The following TSBP1 variants were observed in gnomAD, a reference collection of about 807,000 sequenced individuals.
TSBP1 encodes testis-expressed basic protein 1.
In TSBP1, 56 loss-of-function variants were observed where a neutral mutation model predicts 68.8. The observed-to-expected ratio is 0.81, with a 90% confidence interval of 0.66 to 1.02. The LOEUF (loss-of-function observed/expected upper bound fraction) is 1.02. Among genes scored for constraint, TSBP1 ranks in the 50% least tolerant of loss-of-function variants. The probability of loss-of-function intolerance (pLI) is 0.00; values close to 1 mark genes in which losing one functional copy is unlikely to be tolerated. For synonymous variants in TSBP1, 171 were observed against 208.7 expected, an observed-to-expected ratio of 0.82 and a Z score of 1.56; for missense variants, 502 against 641.2, an observed-to-expected ratio of 0.78 and a Z score of 2.34.
Position 32,333,916 on chromosome 6 carries a change from TG to T in TSBP1, c.472+1520del. The stretch of plus-strand genomic sequence containing the variant: ...CACCTGGAAGATGGCTTTCCAGATC[TG>T]GATACCCTTGGCTATGAGCAGTAAA... On this transcript the variant is annotated intron_variant, in intron 14 of 22. Transcript: ENST00000612031. This position sits in a 1 kb window ranked among gnomAD's most constrained non-coding sequence, Gnocchi z 4.2. The T allele has an allele frequency of 5.3e-6, 1 of 189,736 alleles. No individual in the cohort carries two copies. The allele number at this position is 189,736 out of a possible 1,614,324, so 11.8% of individuals were successfully genotyped here. A position where few individuals can be genotyped will look rare whatever the true frequency, so the allele number is the denominator to read the frequency against.
chr6:32,323,599 G>T (rs1412140327), exon 17 of TSBP1: 2 of 1,612,330 alleles, frequency 1.2e-6, no homozygotes, highest in South Asian at 2.2e-5. Context: ...ACCGCGGGGT[G>T]CTGAAGGTGG....
intron 19 of TSBP1, among the ~76,000 whole-genome samples, chr6:32,310,761 A>ATATATATATATTTTTTTTTTTTTTTT: frequency 1.2e-4 from 18 of 144,810 alleles, no homozygotes; most frequent in Non-Finnish European, 2.0e-4. Context: ...ATATATATAT[A>ATATATATATATTTTTTTTTTTTTTTT]TTTTTAATCT....
rs1455912117 is a variant in TSBP1 at position 32,312,094 on chromosome 6, C to CTAGA, written c.580+3674_580+3677dup. On this transcript the variant is annotated intron_variant, in intron 19 of 22. Transcript: ENST00000612031. ...TTGAGGGGCTCTGGAATTGGCAAGA[C>CTAGA]TAGAGTCAGTACTCCCACATCAGGG... 5.9e-5 allele frequency among the ~76,000 whole-genome samples: 9 copies of CTAGA among 152,238 alleles called. No individual in the cohort carries two copies. The East Asian group carries it at 1.7e-3, about 29-fold the overall frequency.
In TSBP1 at chr6:32,338,721, C is replaced by T. The variant is rs1769962088; in HGVS notation, c.409+258G>A. 6.6e-6 allele frequency among the ~76,000 whole-genome samples: 1 copy of T among 152,150 alleles called. No individual in the cohort carries two copies. Among genetic ancestry groups the T allele is most frequent in the South Asian group, 2.1e-4 (1 of 4,834 alleles). On this transcript the variant is annotated intron_variant, in intron 11 of 22. Transcript: ENST00000612031. This position sits in a 1 kb window ranked among gnomAD's most constrained non-coding sequence, Gnocchi z 5.5. ...TTTTCTCACAGGGGAATCTTTCTTC[C>T]TTTCACTTGACCATTTTTTGTTCTT...
chr6:32,322,338 TC>T (rs1428894746), intron 18 of TSBP1, 147 bp downstream of exon 20: 2 of 628,702 alleles, frequency 3.2e-6, no homozygotes, highest in African/African-American at 3.6e-5. Context: ...CAGTTACGAA[TC>T]AAAAAGGTTG....
At chr6:32,300,007 A>G in intron 21 of TSBP1, 71 bp from the exon 25 acceptor site, 3 of 1,215,284 alleles carry the variant, frequency 2.5e-6, no homozygotes, top group Non-Finnish European at 3.7e-6. Flanking sequence ...TTCCAATAGT[A>G]TCCTTCCTAG....
intron 21 of TSBP1, among the ~76,000 whole-genome samples, chr6:32,300,269 G>T (rs150175146): frequency 6.6e-6 from 1 of 152,106 alleles, no homozygotes; most frequent in Non-Finnish European, 1.5e-5. Context: ...TTTGCTCACT[G>T]TTCTGGTCCG....
chr6:32,368,980 G>T (rs1247231993), intron 2 of TSBP1, among the ~76,000 whole-genome samples, 166 bp from the exon 3 acceptor site: 2 of 152,048 alleles, frequency 1.3e-5, no homozygotes, highest in African/African-American at 4.8e-5. Context: ...CATCAGCCCT[G>T]TTTTACCTAT....
chr6:32,346,704 G>A (rs1048648456), intron 9 of TSBP1, among the ~76,000 whole-genome samples: 1 of 152,056 alleles, frequency 6.6e-6, no homozygotes, highest in African/African-American at 2.4e-5. Flanking sequence ...TGGGTATTGT[G>A]GTGCACGCCT....
intron 9 of TSBP1, among the ~76,000 whole-genome samples, chr6:32,344,851 G>A (rs953019240): frequency 1.4e-5 from 2 of 140,550 alleles, no homozygotes; most frequent in African/African-American, 5.1e-5. Context: ...AAGACCTTAG[G>A]TTTTTTTTTT....
chr6:32,301,450 T>A (rs1765276044), intron 20 of TSBP1, among the ~76,000 whole-genome samples: 1 of 152,026 alleles, frequency 6.6e-6, no homozygotes, highest in Admixed American at 6.6e-5. Flanking sequence ...CCGTGGCTCA[T>A]GCCTGTAATC....
exon 22 of TSBP1, chr6:32,299,928 G>C: frequency 4.3e-6 from 7 of 1,609,330 alleles, no homozygotes; most frequent in Non-Finnish European, 6.0e-6. Context: ...TTACCCACAG[G>C]AGTCAGTGCT....
chr6:32,365,882 G>A lies in TSBP1; in HGVS notation c.217+285C>T. The A allele has an allele frequency of 1.9e-6, 1 of 531,346 alleles. No individual in the cohort carries two copies. Among genetic ancestry groups the A allele is most frequent in the Non-Finnish European group, 3.6e-6 (1 of 276,496 alleles). 32.9% of individuals were successfully genotyped at this position (531,346 alleles called of 1,614,324 possible). A position where few individuals can be genotyped will look rare whatever the true frequency, so the allele number is the denominator to read the frequency against. ...GATAGTTGTCTAAATTGATGCTTCT[G>A]TGTGGGAAGAAAGCTCCTATTCTAC... On this transcript the variant is annotated intron_variant, in intron 6 of 22. Transcript: ENST00000612031. This position sits in a 1 kb window ranked among gnomAD's most constrained non-coding sequence, Gnocchi z 4.3.
intron 19 of TSBP1, among the ~76,000 whole-genome samples, chr6:32,303,703 A>G (rs1354216584): frequency 1.3e-5 from 2 of 152,204 alleles, no homozygotes; most frequent in African/African-American, 4.8e-5. Flanking sequence ...GCAAGTCCCA[A>G]TTCTTTCAAG....
intron 16 of TSBP1, among the ~76,000 whole-genome samples, chr6:32,328,430 T>TC (rs1365509142): frequency 1.3e-5 from 2 of 151,552 alleles, no homozygotes; most frequent in Non-Finnish European, 2.9e-5. Flanking sequence ...GTATTTTTTT[T>TC]TTTTAGACAG....
chr6:32,362,181 C>T (rs1313949504), intron 6 of TSBP1, among the ~76,000 whole-genome samples: 3 of 150,094 alleles, frequency 2.0e-5, no homozygotes, highest in African/African-American at 4.9e-5. Context: ...CCCAGCAACT[C>T]GGGAGGCTGA....
intron 16 of TSBP1, among the ~76,000 whole-genome samples, chr6:32,326,570 T>C (rs1251143174): frequency 6.6e-6 from 1 of 152,222 alleles, no homozygotes; most frequent in Non-Finnish European, 1.5e-5. Flanking sequence ...TATCACAATG[T>C]GGATGCATAC....
exon 1 of TSBP1, chr6:32,371,728 A>G: frequency 6.2e-7 from 1 of 1,613,810 alleles, no homozygotes; most frequent in Non-Finnish European, 8.5e-7. Context: ...TGTCTTCATC[A>G]GGTCTCGCAT....
intron 6 of TSBP1, among the ~76,000 whole-genome samples, chr6:32,356,447 C>T (rs1210613563): frequency 6.6e-6 from 1 of 151,994 alleles, no homozygotes; most frequent in Non-Finnish European, 1.5e-5. Flanking sequence ...ATTTTAAAAA[C>T]GGTGTCTCAA....
Sources: gnomAD v4.1 joint callset for allele counts (sites outside exome capture counted in the v4.1 genomes callset) on GRCh38, gnomAD v4.1.1 for gene constraint, Gnocchi (gnomAD v3.1) non-coding constraint, MANE v1.5 for transcripts, NCBI Gene and HGNC (gene_info 2026-07-23, HGNC 2026-07-21) for gene names.